Variants in CRADD observed in about 807,000 individuals in gnomAD.
The protein encoded by CRADD is CARD and death domain containing adaptor protein, also known as death domain-containing protein CRADD.
Under a neutral mutation model 15.5 loss-of-function variants are expected in CRADD, and 9 were observed. The observed-to-expected ratio is 0.58, with a 90% CI of 0.35 to 1.01. The LOEUF (loss-of-function observed/expected upper bound fraction) is 1.01. CRADD is among the 50% of genes least tolerant of loss of function. CRADD has a pLI of 0.02. For missense variants in CRADD, 227 were observed against 250.3 expected, an observed-to-expected ratio of 0.91 and a Z score of 0.63; for synonymous variants, 118 against 107.6, an observed-to-expected ratio of 1.10 and a Z score of -0.60.
chr12:93,811,641 G>T (rs1313211813), intron 2 of CRADD, among the ~76,000 whole-genome samples: 1 of 152,220 alleles, frequency 6.6e-6, no homozygotes, highest in African/African-American at 2.4e-5. Context: ...TGAGTAACAG[G>T]TGGTAAAATA....
chr12:93,744,800 G>A (rs1039453339), intron 2 of CRADD, among the ~76,000 whole-genome samples: 2 of 152,094 alleles, frequency 1.3e-5, no homozygotes, highest in Admixed American at 6.5e-5. Flanking sequence ...TTCACCATAA[G>A]TAGTTGTTGC....
chr12:93,867,013 A>G (rs61927333), intron 2 of CRADD, among the ~76,000 whole-genome samples: 6,921 of 152,164 alleles, frequency 0.045, 253 homozygotes, highest in Non-Finnish European at 0.068. Flanking sequence ...GATCACACAA[A>G]GTAAGCATTA....
At chr12:93,696,332 C>T (rs780086137) in intron 2 of CRADD, among the ~76,000 whole-genome samples, 8 of 152,146 alleles carry the variant, frequency 5.3e-5, no homozygotes, top group Non-Finnish European at 8.8e-5. Flanking sequence ...ACAGAATCAA[C>T]CTGAGTGTCC....
chr12:93,860,703 A>G (rs1958313470), intron 2 of CRADD, among the ~76,000 whole-genome samples: 1 of 152,170 alleles, frequency 6.6e-6, no homozygotes, highest in South Asian at 2.1e-4. Flanking sequence ...TGTTAAAATA[A>G]TTAATCAGGA....
At chr12:93,721,679 T>C (rs1956267760) in intron 2 of CRADD, among the ~76,000 whole-genome samples, 1 of 152,188 alleles carries the variant, frequency 6.6e-6, no homozygotes, top group Non-Finnish European at 1.5e-5. Context: ...TTAAAGTACA[T>C]AAGATGATGT....
At chr12:93,752,133 C>T (rs1330057323) in intron 2 of CRADD, among the ~76,000 whole-genome samples, 6 of 152,244 alleles carry the variant, frequency 3.9e-5, no homozygotes, top group Non-Finnish European at 8.8e-5. Context: ...TGACCATTCC[C>T]ATTCCTGGGA....
In CRADD at chr12:93,893,970, A is replaced by G. The variant is rs890239191; in HGVS notation, c.299-80A>G. ...GTTGTTTGACCTAGAGCTTAAATAC[A>G]TCTCAAAGTGCACCACACACATTAG... On this transcript the variant is annotated intron_variant, in intron 2 of 2. Coordinates refer to the CRADD transcript ENST00000548483. 3 of 698,986 alleles carry G rather than the reference A, an allele frequency of 4.3e-6. No homozygotes were observed. The African/African-American group carries it at 5.3e-5, about 12-fold the overall frequency. The allele number at this position is 698,986 out of a possible 1,614,324, so 43.3% of individuals were successfully genotyped here. A position where few individuals can be genotyped will look rare whatever the true frequency, so the allele number is the denominator to read the frequency against.
intron 2 of CRADD, among the ~76,000 whole-genome samples, chr12:93,704,469 T>G (rs536126740): frequency 6.6e-6 from 1 of 152,292 alleles, no homozygotes; most frequent in East Asian, 1.9e-4. Flanking sequence ...TTTCCTTCTT[T>G]GCTGTACCTA....
chr12:93,797,718 A>C (rs1409203970), intron 2 of CRADD, among the ~76,000 whole-genome samples: 3 of 152,214 alleles, frequency 2.0e-5, no homozygotes, highest in South Asian at 4.1e-4. Context: ...ATATGTCTTT[A>C]ATTCTATTAC....
At chr12:93,842,782 T>C (rs1408631647) in intron 2 of CRADD, among the ~76,000 whole-genome samples, 1 of 53,486 alleles carries the variant, frequency 1.9e-5, no homozygotes, top group Admixed American at 2.8e-4. Flanking sequence ...AAATGAGGGA[T>C]GGAGGGGCGA....
rs375287085 is a variant in CRADD, at chr12:93,784,533, C to T, written c.299-65437C>T. ...AAGCACCAGCAGAATGAAGTGAGCA[C>T]GTGCTAATCCACAGCTGTCATGGTT... On this transcript the variant is annotated intron_variant, in intron 2 of 2. Transcript: ENST00000332896. 3.9e-5 allele frequency among the ~76,000 whole-genome samples: 6 copies of T among 152,082 alleles called. No homozygotes were observed. In the East Asian group the frequency reaches 5.8e-4, roughly 15 times the overall value.
chr12:93,765,851 T>G (rs2136955046), intron 2 of CRADD, among the ~76,000 whole-genome samples: 1 of 151,980 alleles, frequency 6.6e-6, no homozygotes, highest in Middle Eastern at 3.4e-3. Context: ...TTATTAAGTT[T>G]TTTTTTTTCT....
At chr12:93,878,040 G>A (rs948416822) in intron 2 of CRADD, among the ~76,000 whole-genome samples, 5 of 152,100 alleles carry the variant, frequency 3.3e-5, no homozygotes, top group African/African-American at 9.7e-5. Flanking sequence ...GGTTATTCAG[G>A]GCCCAAGGGC....
intron 2 of CRADD, chr12:93,846,646 A>G (rs1376598829): frequency 6.6e-6 from 1 of 151,704 alleles, no homozygotes; most frequent in African/African-American, 2.4e-5. Context: ...GCTGAAAATC[A>G]AAGAGTGAGA....
chr12:93,852,307 C>G (rs553640915), downstream of CRADD, among the ~76,000 whole-genome samples: 2 of 152,314 alleles, frequency 1.3e-5, no homozygotes, highest in East Asian at 1.9e-4. Flanking sequence ...ATTTTAGAAG[C>G]AGGTCTGATG....
intron 2 of CRADD, among the ~76,000 whole-genome samples, chr12:93,869,233 G>T (rs1958397410): frequency 6.6e-6 from 1 of 152,040 alleles, no homozygotes; most frequent in South Asian, 2.1e-4. Context: ...GCTTAACAAA[G>T]CCTAGAAACA....
chr12:93,839,574 A>G (rs1467317756), intron 2 of CRADD, among the ~76,000 whole-genome samples: 1 of 152,226 alleles, frequency 6.6e-6, no homozygotes, highest in Non-Finnish European at 1.5e-5. Context: ...GGCGGTGAAC[A>G]ACGTTCTCTA....
At chr12:93,749,033 T>C (rs1270763111) in intron 2 of CRADD, among the ~76,000 whole-genome samples, 1 of 152,144 alleles carries the variant, frequency 6.6e-6, no homozygotes, top group Non-Finnish European at 1.5e-5. Flanking sequence ...TAATATTAAG[T>C]GCGTAACATC....
chr12:93,754,628 C>G (rs865866735), intron 2 of CRADD, among the ~76,000 whole-genome samples: 9 of 152,204 alleles, frequency 5.9e-5, no homozygotes, highest in Non-Finnish European at 1.2e-4. Flanking sequence ...CAAGAGTCAC[C>G]TTTGCTGCAG....
Sources: gnomAD v4.1 joint callset for allele counts (sites outside exome capture counted in the v4.1 genomes callset) on GRCh38, gnomAD v4.1.1 for gene constraint, MANE v1.5 for transcripts, NCBI Gene and HGNC (gene_info 2026-07-23, HGNC 2026-07-21) for gene names.